PHTF2: variants seen among roughly 807,000 people sequenced by gnomAD.
PHTF2 encodes protein PHTF2.
Under a neutral mutation model 101.2 loss-of-function variants are expected in PHTF2, and 60 were observed. That is an observed-to-expected ratio of 0.59 (90% CI 0.48 to 0.73). The LOEUF is 0.73. Among genes scored for constraint, PHTF2 ranks in the 30% least tolerant of loss-of-function variants. The pLI, the probability that PHTF2 is intolerant of heterozygous loss-of-function variation, is 0.00. For synonymous variants in PHTF2, 311 were observed against 307.3 expected (o/e 1.01, Z -0.13); for missense variants, 747 against 908.7 (o/e 0.82, Z 2.29).
intron 1 of PHTF2, among the ~76,000 whole-genome samples, chr7:77,804,562 G>A (rs1792824132): frequency 1.3e-5 from 2 of 152,162 alleles, no homozygotes; most frequent in Admixed American, 1.3e-4. Flanking sequence ...CTGACCTCAG[G>A]TGATCCACCC....
intron 14 of PHTF2, 66 bp from the exon 14 acceptor site, chr7:77,940,462 T>C (rs1338121165): frequency 4.4e-6 from 6 of 1,378,052 alleles, no homozygotes; most frequent in Non-Finnish European, 5.9e-6. Context: ...ACAATTCATA[T>C]TTTGTTAATT....
At chr7:77,887,860 A>G (rs1213952346) in intron 3 of PHTF2, among the ~76,000 whole-genome samples, 2 of 152,234 alleles carry the variant, frequency 1.3e-5, no homozygotes, top group Admixed American at 6.5e-5. Flanking sequence ...AAAGTTGCTT[A>G]CCATAGCCAA....
chr7:77,938,164 A>G (rs547890722), intron 13 of PHTF2, among the ~76,000 whole-genome samples: 16 of 152,232 alleles, frequency 1.1e-4, no homozygotes, highest in African/African-American at 3.4e-4. Context: ...TGGACTAGAG[A>G]TTGTTGTTAC....
At chr7:77,861,006 A>G (rs1256964485) in intron 3 of PHTF2, among the ~76,000 whole-genome samples, 1 of 152,062 alleles carries the variant, frequency 6.6e-6, no homozygotes, top group Non-Finnish European at 1.5e-5. Context: ...ACCTGGCCTT[A>G]ATTGTTCTCT....
At chr7:77,839,809 A>G (rs911111264) in intron 1 of PHTF2, among the ~76,000 whole-genome samples, 4 of 152,264 alleles carry the variant, frequency 2.6e-5, no homozygotes, top group Middle Eastern at 3.4e-3. Flanking sequence ...AAATTCTGTC[A>G]TCTCTGTTAA....
intron 12 of PHTF2, among the ~76,000 whole-genome samples, chr7:77,935,214 CTTTTTTTTTT>C (rs1158677069): frequency 3.4e-5 from 2 of 59,248 alleles, no homozygotes; most frequent in East Asian, 7.0e-4. Flanking sequence ...GTAATTTACC[CTTTTTTTTTT>C]TTTTTTTTTT....
chr7:77,918,544 A>G (rs1803149393), intron 9 of PHTF2, among the ~76,000 whole-genome samples: 1 of 152,150 alleles, frequency 6.6e-6, no homozygotes, highest in African/African-American at 2.4e-5. Context: ...TGACATTTTC[A>G]GGATATCAAG....
intron 3 of PHTF2, among the ~76,000 whole-genome samples, chr7:77,879,672 A>G (rs1452441301): frequency 1.3e-5 from 2 of 152,102 alleles, no homozygotes; most frequent in African/African-American, 2.4e-5. Context: ...GATAATTGAC[A>G]TAGTCAATTA....
intron 9 of PHTF2, among the ~76,000 whole-genome samples, chr7:77,916,845 A>G (rs184531884): frequency 2.0e-5 from 3 of 152,290 alleles, no homozygotes; most frequent in East Asian, 3.9e-4. Flanking sequence ...ACGTCTGTAC[A>G]TGTTCAGTAC....
intron 1 of PHTF2, among the ~76,000 whole-genome samples, chr7:77,835,819 T>C (rs1249447531): frequency 6.6e-6 from 1 of 151,990 alleles, no homozygotes; most frequent in African/African-American, 2.4e-5. Flanking sequence ...TGTTATTAAA[T>C]TGTAAAGAAG....
chr7:77,955,573 C>T (rs999767555), exon 20 of PHTF2: 2 of 152,594 alleles, frequency 1.3e-5, no homozygotes, highest in African/African-American at 4.8e-5. Context: ...ACAGCTCCAA[C>T]TGTGCATGCT....
chr7:77,953,267 G>A (rs980745290), intron 18 of PHTF2, among the ~76,000 whole-genome samples: 6 of 152,016 alleles, frequency 3.9e-5, no homozygotes, highest in African/African-American at 1.2e-4. Flanking sequence ...TTCAGTTCAG[G>A]GACTGAATCT....
In PHTF2 at chr7:77,882,327, T is replaced by C. The variant is rs187871408; in HGVS notation, c.148-11281T>C. ...CTGTTTTCTTCCTTGAAAAGTCACA[T>C]TGTCCCCCAACCAAAAGATTTCAAA... On this transcript the variant is annotated intron_variant, in intron 3 of 19. Transcript: ENST00000416283. 9.2e-4 allele frequency among the ~76,000 whole-genome samples: 140 copies of C among 151,996 alleles called. 2 individuals carry two copies. The highest frequency in any genetic ancestry group is 9.6e-4 in the East Asian group (5 of 5,186).
At chr7:77,887,653 A>G (rs1562915954) in intron 3 of PHTF2, among the ~76,000 whole-genome samples, 1 of 152,214 alleles carries the variant, frequency 6.6e-6, no homozygotes, top group Non-Finnish European at 1.5e-5. Flanking sequence ...CATTAAGAAG[A>G]AGGAGTTATT....
At chr7:77,930,059 T>C (rs1361033574) in intron 12 of PHTF2, among the ~76,000 whole-genome samples, 1 of 151,206 alleles carries the variant, frequency 6.6e-6, no homozygotes, top group African/African-American at 2.4e-5. Flanking sequence ...GTTCCAGCGA[T>C]TCTCCTGCCT....
exon 15 of PHTF2, chr7:77,940,613 A>C (rs1805565853): frequency 6.2e-7 from 1 of 1,607,424 alleles, no homozygotes. Flanking sequence ...CGGTTGAAGA[A>C]AGTACAGAAT....
rs71082798 is a variant in PHTF2, at chr7:77,947,837, C to CTTTTTTTTTTTTTTTTTTTTTTTTTT, written c.1960-1823_1960-1822insTTTTTTTTTTTTTTTTTTTTTTTTTT. ...TTATTTTCTTTTTTCTTTTTTCTTTCTTTTTTTTTTTTTTTTTTGAGACAG... is the reference window on the plus strand; with the variant it reads ...TTATTTTCTTTTTTCTTTTTTCTTTCTTTTTTTTTTTTTTTTTTTTTTTTTTTTTTTTTTTTTTTTTTTTGAGACAG... On this transcript the variant is annotated intron_variant, in intron 16 of 19. Transcript: ENST00000416283. Among the ~76,000 whole-genome samples, 39 of 73,800 alleles carry CTTTTTTTTTTTTTTTTTTTTTTTTTT rather than the reference C, an allele frequency of 5.3e-4. 7 individuals carry two copies. Among genetic ancestry groups the CTTTTTTTTTTTTTTTTTTTTTTTTTT allele is most frequent in the African/African-American group, 7.4e-4 (13 of 17,474 alleles). 48.4% of individuals were successfully genotyped at this position (73,800 alleles called of 152,430 possible).
chr7:77,816,429 C>T (rs920302104), intron 1 of PHTF2, among the ~76,000 whole-genome samples: 4 of 152,104 alleles, frequency 2.6e-5, no homozygotes, highest in Admixed American at 6.5e-5. Flanking sequence ...AGGACAGATA[C>T]ATGTTTCATT....
intron 17 of PHTF2, among the ~76,000 whole-genome samples, chr7:77,951,106 G>A (rs189929839): frequency 8.6e-4 from 131 of 152,118 alleles, no homozygotes; most frequent in Admixed American, 1.8e-3. Flanking sequence ...ATTATAGAGT[G>A]GATAATAAAA....
Sources: allele counts gnomAD v4.1 joint callset (sites outside exome capture counted in the v4.1 genomes callset), GRCh38; gene constraint gnomAD v4.1.1; transcripts MANE v1.5; gene names NCBI Gene and HGNC (gene_info 2026-07-23, HGNC 2026-07-21).